The following ERG variants were observed in gnomAD, a reference collection of about 807,000 sequenced individuals.
ERG encodes ETS transcription factor ERG.
Under a neutral mutation model 55.3 loss-of-function variants are expected in ERG, and 9 were observed. The observed-to-expected ratio is 0.16, with a 90% CI of 0.10 to 0.28. The LOEUF (loss-of-function observed/expected upper bound fraction) is 0.28. ERG is among the 10% of genes least tolerant of loss of function. ERG has a pLI of 1.00. For synonymous variants in ERG, 223 were observed against 237.3 expected (o/e 0.94, Z 0.55); for missense variants, 434 against 631.6 (o/e 0.69, Z 3.35).
intron 2 of ERG, among the ~76,000 whole-genome samples, chr21:38,544,410 A>G (rs963744253): frequency 6.6e-6 from 1 of 152,138 alleles, no homozygotes; most frequent in Non-Finnish European, 1.5e-5. Flanking sequence ...AGGAAAGCAG[A>G]GTCATGATCC....
chr21:38,520,022 C>A (rs890368937), intron 2 of ERG, among the ~76,000 whole-genome samples: 1 of 129,296 alleles, frequency 7.7e-6, no homozygotes, highest in Admixed American at 8.0e-5. Context: ...CACACACATA[C>A]ACACACACAC....
chr21:38,560,794 T>A (rs2146835071), intron 2 of ERG, among the ~76,000 whole-genome samples: 1 of 152,346 alleles, frequency 6.6e-6, no homozygotes, highest in South Asian at 2.1e-4. Flanking sequence ...ATGAGAAAGC[T>A]TCCCAAATTG....
intron 1 of ERG, among the ~76,000 whole-genome samples, chr21:38,652,850 C>T (rs960361949): frequency 7.2e-5 from 11 of 152,336 alleles, no homozygotes; most frequent in African/African-American, 2.6e-4. Flanking sequence ...GGTGGTCCCA[C>T]TGAGGATGCC....
rs1987571259 is a variant in ERG at position 38,383,982 on chromosome 21, GCTCT to G, written c.920-63_920-60del. On this transcript the variant is annotated intron_variant, in intron 9 of 9. Transcript: ENST00000288319. This position sits in a 1 kb window ranked among gnomAD's most constrained non-coding sequence, Gnocchi z 5.7. ...TGAGCACAGGTTCCAGGGGAAAGAG[GCTCT>G]CTGTGATGACGGAAGGAGGTGCTAT... The G allele has an allele frequency of 6.4e-7, 1 of 1,552,232 alleles. No individual in the cohort carries two copies. The highest frequency in any genetic ancestry group is 1.4e-5 in the African/African-American group (1 of 73,540).
chr21:38,480,108 A>G, intron 1 of ERG, among the ~76,000 whole-genome samples: 2 of 152,192 alleles, frequency 1.3e-5, no homozygotes, highest in East Asian at 3.9e-4. Context: ...GGCAGGTAGC[A>G]TCTGTAGCAT....
intron 1 of ERG, among the ~76,000 whole-genome samples, chr21:38,446,223 A>C (rs2058890400): frequency 1.8e-5 from 2 of 113,454 alleles, no homozygotes; most frequent in Non-Finnish European, 3.6e-5. Context: ...ATGATAAATG[A>C]ACCAAAAAAA....
intron 1 of ERG, among the ~76,000 whole-genome samples, chr21:38,606,698 T>C (rs2060198865): frequency 6.6e-6 from 1 of 152,068 alleles, no homozygotes; most frequent in African/African-American, 2.4e-5. Context: ...CTGAAATAAC[T>C]GAAGACAAAT....
chr21:38,410,573 G>T (rs954335197), intron 3 of ERG, among the ~76,000 whole-genome samples: 2 of 152,198 alleles, frequency 1.3e-5, no homozygotes, highest in African/African-American at 4.8e-5. Context: ...GGGAGTGGGG[G>T]TATAAGCAGT....
rs2059653452 is a variant in ERG at position 38,529,115 on chromosome 21, C to A, written c.-41+46547G>T. 2.0e-5 allele frequency among the ~76,000 whole-genome samples: 3 copies of A among 151,862 alleles called. No individual in the cohort carries two copies. The South Asian group carries it at 6.2e-4, about 32-fold the overall frequency. On this transcript the variant is annotated intron_variant, in intron 2 of 8. Transcript: ENST00000398897. ...CAGTGGTGCTGGAGGCAGGTGAGATCTTGAAGGGCCTTGGCAACATGAACA... is the reference window on the plus strand; with the variant it reads ...CAGTGGTGCTGGAGGCAGGTGAGATATTGAAGGGCCTTGGCAACATGAACA...
At chr21:38,416,585 G>A (rs1989290723) in intron 3 of ERG, among the ~76,000 whole-genome samples, 1 of 152,170 alleles carries the variant, frequency 6.6e-6, no homozygotes, top group Admixed American at 6.5e-5. Flanking sequence ...ATTTCCATTT[G>A]ATAAGTCAAT....
At chr21:38,541,720 A>G (rs1291495010) in intron 2 of ERG, among the ~76,000 whole-genome samples, 1 of 152,214 alleles carries the variant, frequency 6.6e-6, no homozygotes, top group East Asian at 1.9e-4. Context: ...ATTTAACGAA[A>G]CTTCAGCAAT....
At chr21:38,580,744 C>T (rs918217831) in intron 1 of ERG, among the ~76,000 whole-genome samples, 6 of 152,244 alleles carry the variant, frequency 3.9e-5, no homozygotes, top group Middle Eastern at 3.4e-3. Context: ...ATTTGAATTA[C>T]GTAAGCTCTA....
At chr21:38,499,428 T>C (rs931657117), upstream of ERG, among the ~76,000 whole-genome samples, 2 of 152,182 alleles carry the variant, frequency 1.3e-5, no homozygotes, top group African/African-American at 4.8e-5. Context: ...TAATTACTCA[T>C]TTTCAGGAAA....
chr21:38,537,432 A>AG (rs1408753362), intron 2 of ERG, among the ~76,000 whole-genome samples: 1 of 47,396 alleles, frequency 2.1e-5, no homozygotes, highest in Non-Finnish European at 5.2e-5. Context: ...ATTAATATCC[A>AG]GAAAAAAAAA....
intron 2 of ERG, among the ~76,000 whole-genome samples, chr21:38,544,990 C>G (rs1200573820): frequency 6.6e-6 from 1 of 152,196 alleles, no homozygotes; most frequent in African/African-American, 2.4e-5. Context: ...CTTCTTTCTC[C>G]ACCCCAGTGC....
At chr21:38,439,312 G>A (rs1398469585) in intron 2 of ERG, among the ~76,000 whole-genome samples, 2 of 152,242 alleles carry the variant, frequency 1.3e-5, no homozygotes, top group African/African-American at 4.8e-5. Flanking sequence ...TGGACCATGA[G>A]TGAGCAGGTG....
Position 38,632,831 on chromosome 21 carries a change from G to C in ERG, c.-150+28827C>G, listed in dbSNP as rs529620570. ...GTGTAGCCCCTCTGGAAAACAGTAT[G>C]GAGGGTCCTCAAAAATTAAAACCAG... On this transcript the variant is annotated intron_variant, in intron 1 of 10. Coordinates refer to the ERG transcript ENST00000398910. Among the ~76,000 whole-genome samples the C allele has an allele frequency of 1.4e-4, 21 of 152,170 alleles. 1 individual carries two copies. Among genetic ancestry groups the C allele is most frequent in the African/African-American group, 4.6e-4 (19 of 41,472 alleles).
At chr21:38,501,353 C>A (rs998774519), upstream of ERG, among the ~76,000 whole-genome samples, 2 of 151,880 alleles carry the variant, frequency 1.3e-5, no homozygotes, top group African/African-American at 4.8e-5. Context: ...AGACGTGAAC[C>A]ACCACGCCCG....
intron 2 of ERG, among the ~76,000 whole-genome samples, chr21:38,551,043 T>A (rs2226682): frequency 0.51 from 76,798 of 152,070 alleles, 20,695 homozygotes; most frequent in Non-Finnish European, 0.62. Context: ...TGAGGAAAAA[T>A]AACTATTTCT....
Sources: allele counts gnomAD v4.1 joint callset (sites outside exome capture counted in the v4.1 genomes callset), GRCh38; gene constraint gnomAD v4.1.1; non-coding constraint Gnocchi (gnomAD v3.1); transcripts MANE v1.5; gene names NCBI Gene and HGNC (gene_info 2026-07-23, HGNC 2026-07-21).